ABCE1: variants seen among roughly 807,000 people sequenced by gnomAD.
The protein encoded by ABCE1 is ATP-binding cassette sub-family E member 1.
Under a neutral mutation model 83.4 loss-of-function variants are expected in ABCE1, and 22 were observed. The ratio of observed to expected loss-of-function variants is 0.26; its 90% CI spans 0.19 to 0.38. The LOEUF is 0.38. Among genes scored for constraint, ABCE1 ranks in the 10% least tolerant of loss-of-function variants. The pLI is 1.00. For missense variants in ABCE1, 330 were observed against 721.9 expected (o/e 0.46, Z 6.22); for synonymous variants, 204 against 233.7 (o/e 0.87, Z 1.16).
At chr4:145,114,863 A>G (rs937087004) in intron 9 of ABCE1, among the ~76,000 whole-genome samples, 1 of 151,728 alleles carries the variant, frequency 6.6e-6, no homozygotes, top group Non-Finnish European at 1.5e-5. Flanking sequence ...ATGTAGTGAT[A>G]GATTGATGAT....
chr4:145,100,893 G>C (rs1579206756), intron 1 of ABCE1, among the ~76,000 whole-genome samples: 2 of 152,124 alleles, frequency 1.3e-5, no homozygotes, highest in East Asian at 3.9e-4. Flanking sequence ...AGAAATGCTT[G>C]ATCTCCTGTG....
chr4:145,126,063 G>A (rs916404824), intron 17 of ABCE1, among the ~76,000 whole-genome samples: 7 of 151,396 alleles, frequency 4.6e-5, no homozygotes, highest in Admixed American at 1.3e-4. Flanking sequence ...CGCAACCCCC[G>A]CAAAAAAAGT....
intron 1 of ABCE1, 140 bp from the exon 2 acceptor site, chr4:145,104,246 A>G (rs1749234818): frequency 2.4e-6 from 1 of 416,292 alleles, no homozygotes; most frequent in Middle Eastern, 6.1e-4. Context: ...CAATTTTTAC[A>G]TTTGTCAAAA....
chr4:145,100,439 G>A (rs1382278530), intron 1 of ABCE1, among the ~76,000 whole-genome samples: 1 of 152,196 alleles, frequency 6.6e-6, no homozygotes, highest in Non-Finnish European at 1.5e-5. Context: ...TAAAGTTTAA[G>A]CAATTTCGTG....
At chr4:145,119,854 G>C (rs1158229217) in intron 10 of ABCE1, 78 bp from the exon 11 acceptor site, 1 of 1,000,138 alleles carries the variant, frequency 1.0e-6, no homozygotes, top group East Asian at 2.6e-5. Context: ...AAAGTATATA[G>C]TCTATAGATT....
chr4:145,122,551 C>T (rs1579222646), intron 13 of ABCE1: 1 of 152,210 alleles, frequency 6.6e-6, no homozygotes, highest in Middle Eastern at 3.4e-3. Context: ...GGCATGGTAG[C>T]TCACGCATGT....
intron 8 of ABCE1, among the ~76,000 whole-genome samples, chr4:145,111,315 T>C (rs888974862): frequency 6.6e-6 from 1 of 152,124 alleles, no homozygotes; most frequent in African/African-American, 2.4e-5. Flanking sequence ...TAAAGTCAGT[T>C]ATTCATTATC....
intron 3 of ABCE1, among the ~76,000 whole-genome samples, chr4:145,106,946 T>A (rs956228177): frequency 6.6e-6 from 1 of 152,106 alleles, no homozygotes; most frequent in African/African-American, 2.4e-5. Flanking sequence ...ACACGGAAAC[T>A]TAGAATTGGT....
intron 8 of ABCE1, among the ~76,000 whole-genome samples, chr4:145,111,779 T>G (rs567276051): frequency 2.0e-5 from 3 of 152,330 alleles, no homozygotes; most frequent in Admixed American, 1.3e-4. Context: ...CTTCCTTTAT[T>G]TAGTGTCTCT....
At chr4:145,108,635 A>G (rs1386246725) in intron 4 of ABCE1, among the ~76,000 whole-genome samples, 1 of 152,156 alleles carries the variant, frequency 6.6e-6, no homozygotes, top group Non-Finnish European at 1.5e-5. Flanking sequence ...ACTAATAAAA[A>G]AGTATTTCTC....
intron 8 of ABCE1, among the ~76,000 whole-genome samples, chr4:145,111,570 A>G (rs1294676296): frequency 6.6e-6 from 1 of 151,984 alleles, no homozygotes; most frequent in East Asian, 1.9e-4. Context: ...TCAATGATCC[A>G]CCCACCTCGG....
Position 145,110,399 on chromosome 4 carries a change from C to T in ABCE1, c.568C>T (p.Arg190Ter). The T allele has an allele frequency of 1.2e-6, 2 of 1,612,040 alleles. No individual in the cohort carries two copies. Among genetic ancestry groups the T allele is most frequent in the East Asian group, 2.2e-5 (1 of 44,864 alleles). Residue 190 changes from arginine to a stop codon, truncating the protein, a stop_gained, in exon 7 of 18, where the codon CGA becomes TGA. Coordinates refer to ENST00000296577, the MANE Select transcript of ABCE1 (RefSeq NM_002940.3). LOFTEE classifies it high-confidence loss of function. ...AKGTVGSILD[R>*]KDETKTQAIV... is the part of the protein sequence containing the mutation. Reference sequence around the variant, plus strand: ...GGGGACAGTGGGATCTATTTTGGACCGAAAAGATGAAACAAAGACACAGGC... The same window carrying T: ...GGGGACAGTGGGATCTATTTTGGACTGAAAAGATGAAACAAAGACACAGGC...
chr4:145,120,500 T>C (rs892114339), intron 11 of ABCE1, among the ~76,000 whole-genome samples: 1 of 152,118 alleles, frequency 6.6e-6, no homozygotes, highest in East Asian at 1.9e-4. Flanking sequence ...AATCCAGCTT[T>C]AAAAATTTTT....
intron 10 of ABCE1, among the ~76,000 whole-genome samples, chr4:145,118,539 T>G (rs1174375788): frequency 6.6e-6 from 1 of 151,766 alleles, no homozygotes; most frequent in Non-Finnish European, 1.5e-5. Context: ...GTTTTATTCT[T>G]GTCAATTAAC....
At chr4:145,107,902 C>G in intron 3 of ABCE1, 113 bp from the exon 4 acceptor site, 1 of 795,218 alleles carries the variant, frequency 1.3e-6, no homozygotes, top group Non-Finnish European at 1.9e-6. Context: ...CATTTCACAT[C>G]TTTATGAAAT....
chr4:145,110,243 C>T lies in ABCE1; in HGVS notation c.543+3C>T, dbSNP rs772861686. On this transcript the variant is annotated splice_donor_region_variant and intron_variant, in intron 6 of 17. Transcript: ENST00000296577. ...ACCAGATTCCTAAGGCTGCAAAGGT[C>T]GGTTTTTGATAGAGGGAACTTAACG... The T allele has an allele frequency of 3.1e-6, 5 of 1,597,546 alleles. No homozygotes were observed. Among genetic ancestry groups the T allele is most frequent in the East Asian group, 2.2e-5 (1 of 44,666 alleles).
intron 5 of ABCE1, among the ~76,000 whole-genome samples, chr4:145,109,831 A>G (rs1292234582): frequency 6.6e-6 from 1 of 152,220 alleles, no homozygotes; most frequent in African/African-American, 2.4e-5. Flanking sequence ...AAATATGAGC[A>G]GGAAACATTC....
intron 4 of ABCE1, among the ~76,000 whole-genome samples, 171 bp from the exon 5 acceptor site, chr4:145,108,961 A>G (rs1288465435): frequency 2.0e-5 from 3 of 152,224 alleles, no homozygotes; most frequent in African/African-American, 7.2e-5. Flanking sequence ...TCTAATAGCC[A>G]TTAATCTTGG....
chr4:145,122,826 C>A, intron 13 of ABCE1, 195 bp from the exon 14 acceptor site: 1 of 476,394 alleles, frequency 2.1e-6, no homozygotes, highest in Non-Finnish European at 3.7e-6. Flanking sequence ...AAAAAAATTC[C>A]TTTTTACTTG....
Sources: gnomAD v4.1 joint callset for allele counts (sites outside exome capture counted in the v4.1 genomes callset) on GRCh38, gnomAD v4.1.1 for gene constraint, MANE v1.5 for transcripts, NCBI Gene and HGNC (gene_info 2026-07-23, HGNC 2026-07-21) for gene names.